The following SYS1 variants were observed in gnomAD, a reference collection of about 807,000 sequenced individuals.
SYS1 encodes the protein protein SYS1 homolog.
SYS1 carries 8 observed loss-of-function variants against 17.8 expected under a neutral mutation model. The observed-to-expected ratio is 0.45, with a 90% CI of 0.26 to 0.81. The LOEUF (loss-of-function observed/expected upper bound fraction) is 0.81. Among genes scored for constraint, SYS1 ranks in the 40% least tolerant of loss-of-function variants. The pLI, the probability that SYS1 is intolerant of heterozygous loss-of-function variation, is 0.16. For missense variants in SYS1, 161 were observed against 203.9 expected (o/e 0.79, Z 1.28); for synonymous variants, 95 against 90.9 (o/e 1.05, Z -0.26).
At position 45,367,905 on chromosome 20, in the gene SYS1, A is replaced by T; in HGVS notation, c.*790A>T. The T allele has an allele frequency of 1.0e-6, 1 of 985,640 alleles. No homozygotes were observed. Among genetic ancestry groups the T allele is most frequent in the Non-Finnish European group, 1.2e-6 (1 of 829,926 alleles). 61.1% of individuals were successfully genotyped at this position (985,640 alleles called of 1,614,324 possible). A position where few individuals can be genotyped will look rare whatever the true frequency, so the allele number is the denominator to read the frequency against. ...AGGCACCCAGCTCCCACTGGACTCC[A>T]ATTTTTTTTCCTGCCTTATTTAGAA... On this transcript the variant is annotated 3_prime_UTR_variant, in exon 4 of 4. Coordinates refer to ENST00000243918, the MANE Select transcript of SYS1 (RefSeq NM_033542.4).
chr20:45,369,924 C>CT (rs1441275985), downstream of SYS1, among the ~76,000 whole-genome samples: 495 of 141,044 alleles, frequency 3.5e-3, 1 homozygote, highest in African/African-American at 8.9e-3. Flanking sequence ...CCCAACTGGC[C>CT]TTTTTTTTTT....
At chr20:45,369,862 A>G (rs1258994016), downstream of SYS1, among the ~76,000 whole-genome samples, 1 of 149,950 alleles carries the variant, frequency 6.7e-6, no homozygotes, top group East Asian at 1.9e-4. Context: ...CAAGAGATCC[A>G]CCTGCCTCGG....
At chr20:45,363,086 G>A (rs1477921756), upstream of SYS1, 1 of 994,240 alleles carries the variant, frequency 1.0e-6, no homozygotes, top group Non-Finnish European at 1.2e-6. Flanking sequence ...GGAGGTTCAG[G>A]CAGAGGTTGC....
chr20:45,363,245 A>C lies in SYS1; in HGVS notation c.-74A>C, dbSNP rs1022440377. The C allele has an allele frequency of 2.5e-6, 3 of 1,182,440 alleles. No homozygotes were observed. The African/African-American group carries it at 4.8e-5, about 19-fold the overall frequency. 73.2% of individuals were successfully genotyped at this position (1,182,440 alleles called of 1,614,324 possible). ...CCTCTCCTCCATGGTCCTGTCTGTC[A>C]GCGCTGTTTTGGGAGCCCGCCGGTG... On this transcript the variant is annotated 5_prime_UTR_variant, in exon 1 of 4. Transcript: ENST00000243918.
At chr20:45,375,211 A>G in exon 4 of SYS1, 5 of 1,614,158 alleles carry the variant, frequency 3.1e-6, no homozygotes, top group South Asian at 1.1e-5. Context: ...CAGCTGCTTC[A>G]TGTGCCCCAT....
intron 1 of SYS1, 83 bp from the exon 2 acceptor site, chr20:45,363,446 T>G (rs1307956353): frequency 6.7e-7 from 1 of 1,493,604 alleles, no homozygotes. Flanking sequence ...GGCTCACCCC[T>G]TGGTTCCAGT....
Position 45,365,658 on chromosome 20 carries a change from A to G in SYS1, c.202A>G (p.Met68Val). ...FSTPPGRLSM[M>V]SFILNALTCA... ...CACCCCTCCAGGCCGGCTCTCCATG[A>G]TGTCCTTCATCCTCAACGCCCTCAC... Residue 68 changes from methionine (M) to valine (V), a missense_variant, in exon 3 of 4, where the codon ATG (methionine) becomes GTG (valine). Coordinates refer to ENST00000243918, the MANE Select transcript of SYS1 (RefSeq NM_033542.4). 2 of 1,614,148 alleles carry G rather than the reference A, an allele frequency of 1.2e-6. No homozygotes were observed. The highest frequency in any genetic ancestry group is 1.7e-6 in the Non-Finnish European group (2 of 1,180,006).
At chr20:45,369,263 C>T (rs1192052513), downstream of SYS1, 1 of 152,170 alleles carries the variant, frequency 6.6e-6, no homozygotes, top group Non-Finnish European at 1.5e-5. Context: ...AAAATCTTCA[C>T]AAGAACCCTC....
chr20:45,363,413 C>T (rs1988287735), intron 1 of SYS1, 98 bp downstream of exon 1: 3 of 1,449,168 alleles, frequency 2.1e-6, no homozygotes, highest in Admixed American at 2.4e-5. Flanking sequence ...GTCTGCCCCG[C>T]CTTCCCCCTG....
At chr20:45,374,082 C>T (rs1988643383), downstream of SYS1, 1 of 1,455,504 alleles carries the variant, frequency 6.9e-7, no homozygotes, top group Non-Finnish European at 9.6e-7. Context: ...GGGGAGCGGG[C>T]GCAGGGACAA....
intron 2 of SYS1, among the ~76,000 whole-genome samples, chr20:45,364,632 C>A (rs1366512217): frequency 3.3e-5 from 5 of 151,688 alleles, no homozygotes; most frequent in Non-Finnish European, 7.4e-5. Flanking sequence ...CCACTACGCC[C>A]GGCTAATTTT....
chr20:45,376,059 A>G (rs1010912646), exon 4 of SYS1: 1 of 153,466 alleles, frequency 6.5e-6, no homozygotes, highest in African/African-American at 2.4e-5. Context: ...CAGCCTGGGC[A>G]ACATGGTGAG....
At chr20:45,372,092 CT>C (rs1988572339), downstream of SYS1, among the ~76,000 whole-genome samples, 1 of 152,228 alleles carries the variant, frequency 6.6e-6, no homozygotes, top group Non-Finnish European at 1.5e-5. Flanking sequence ...ATCTGTGTTA[CT>C]GGGCCCAGAG....
chr20:45,375,573 A>T (rs1037595938), exon 4 of SYS1: 1 of 1,594,724 alleles, frequency 6.3e-7, no homozygotes, highest in South Asian at 1.1e-5. Flanking sequence ...GAGGAAAGGC[A>T]GTCAGCACAG....
At chr20:45,370,445 T>C (rs776571122), downstream of SYS1, among the ~76,000 whole-genome samples, 6 of 152,142 alleles carry the variant, frequency 3.9e-5, no homozygotes, top group Non-Finnish European at 8.8e-5. Context: ...ATGGTCAGAA[T>C]AGTTTATAAC....
In SYS1 at chr20:45,367,695, C is replaced by T. The variant is rs1463277614; in HGVS notation, c.*580C>T. 1.0e-6 allele frequency: 1 copy of T among 990,560 alleles called. No homozygotes were observed. The highest frequency in any genetic ancestry group is 1.2e-6 in the Non-Finnish European group (1 of 832,858). 61.4% of individuals were successfully genotyped at this position (990,560 alleles called of 1,614,324 possible). A position where few individuals can be genotyped will look rare whatever the true frequency, so the allele number is the denominator to read the frequency against. On this transcript the variant is annotated 3_prime_UTR_variant, in exon 4 of 4. Coordinates refer to ENST00000243918, the MANE Select transcript of SYS1 (RefSeq NM_033542.4). ...ATCAAGCACAAGGAAAATGCACAAC[C>T]TGTGCCCTGTTATACACACGTTCAT...
chr20:45,370,974 G>A (rs944058519), downstream of SYS1, among the ~76,000 whole-genome samples: 3 of 152,178 alleles, frequency 2.0e-5, no homozygotes, highest in African/African-American at 7.2e-5. Context: ...CTGCCCTGCC[G>A]CTACCTGGGC....
downstream of SYS1, chr20:45,374,091 A>G (rs1988643615): frequency 7.4e-7 from 1 of 1,352,808 alleles, no homozygotes; most frequent in Non-Finnish European, 1.1e-6. Flanking sequence ...GCGCAGGGAC[A>G]AGGGTGCTGT....
At chr20:45,375,378 C>T (rs142901213) in exon 4 of SYS1, 12 of 1,614,004 alleles carry the variant, frequency 7.4e-6, no homozygotes, top group South Asian at 5.5e-5. Flanking sequence ...CCGCCAATGA[C>T]GTTTTCTCCT....
Sources: allele counts gnomAD v4.1 joint callset (sites outside exome capture counted in the v4.1 genomes callset), GRCh38; gene constraint gnomAD v4.1.1; transcripts MANE v1.5; gene names NCBI Gene and HGNC (gene_info 2026-07-23, HGNC 2026-07-21).